Variants in LRP1B observed in about 807,000 individuals in gnomAD.
LRP1B encodes LDL receptor related protein 1B.
In LRP1B, 217 loss-of-function variants were observed where a neutral mutation model predicts 556.6. That is an observed-to-expected ratio of 0.39 (90% CI 0.35 to 0.44). The LOEUF is 0.44. Among genes scored for constraint, LRP1B ranks in the 20% least tolerant of loss-of-function variants. The pLI is 1.00. For missense variants in LRP1B, 5,053 were observed against 5,620.8 expected, an observed-to-expected ratio of 0.90 and a Z score of 3.23; for synonymous variants, 2,047 against 1,865.8, an observed-to-expected ratio of 1.10 and a Z score of -2.50.
intron 5 of LRP1B, among the ~76,000 whole-genome samples, chr2:141,240,621 C>A (rs1683830825): frequency 1.3e-5 from 2 of 151,868 alleles, no homozygotes; most frequent in Non-Finnish European, 2.9e-5. Context: ...GATATAATTT[C>A]TCTCACATTC....
chr2:141,410,038 A>G (rs1690793240), intron 3 of LRP1B, among the ~76,000 whole-genome samples: 1 of 152,078 alleles, frequency 6.6e-6, no homozygotes, highest in Non-Finnish European at 1.5e-5. Flanking sequence ...AAAGTGAAAA[A>G]TATATTCTAG....
intron 43 of LRP1B, among the ~76,000 whole-genome samples, chr2:140,592,081 G>A (rs1682250023): frequency 6.6e-6 from 1 of 152,042 alleles, no homozygotes; most frequent in African/African-American, 2.4e-5. Flanking sequence ...TGTGTACTGG[G>A]ACATGTATCA....
chr2:140,985,752 T>C lies in LRP1B; in HGVS notation c.2771-3476A>G, dbSNP rs529900652. ...TTCTGGTCAATTGTTCTTTTTTTTT[T>C]CCCAGTGAAATATTTCTACCATCTA... On this transcript the variant is annotated intron_variant, in intron 17 of 90. Transcript: ENST00000389484. Among the ~76,000 whole-genome samples the C allele has an allele frequency of 1.4e-4, 21 of 152,054 alleles. No individual in the cohort carries two copies. In the South Asian group the frequency reaches 4.0e-3, roughly 29 times the overall value.
chr2:142,004,690 A>G (rs1229724284), intron 1 of LRP1B, among the ~76,000 whole-genome samples: 1 of 151,936 alleles, frequency 6.6e-6, no homozygotes, highest in Non-Finnish European at 1.5e-5. Flanking sequence ...TACTAAAAAT[A>G]TGAAAATTAG....
intron 3 of LRP1B, among the ~76,000 whole-genome samples, chr2:141,335,582 A>G (rs1687818823): frequency 1.3e-5 from 2 of 152,322 alleles, no homozygotes; most frequent in South Asian, 4.1e-4. Flanking sequence ...ACATAAGCAT[A>G]ATTCTTATTC....
chr2:140,320,560 T>G (rs1234534871), intron 82 of LRP1B, among the ~76,000 whole-genome samples: 2 of 151,960 alleles, frequency 1.3e-5, no homozygotes, highest in Non-Finnish European at 1.5e-5. Flanking sequence ...ATGTTTGCTG[T>G]GATCCTCCAG....
chr2:141,163,428 T>A (rs1289843061), intron 7 of LRP1B, among the ~76,000 whole-genome samples: 1 of 152,038 alleles, frequency 6.6e-6, no homozygotes. Flanking sequence ...CATTTAGACA[T>A]ATGATAATTT....
intron 49 of LRP1B, 34 bp downstream of exon 49, chr2:140,525,810 G>T: frequency 1.2e-6 from 2 of 1,600,978 alleles, no homozygotes; most frequent in East Asian, 2.2e-5. Flanking sequence ...AATCTCCAAG[G>T]CAAAGCCTGT....
At chr2:141,227,839 G>A (rs898864141) in intron 6 of LRP1B, among the ~76,000 whole-genome samples, 5 of 152,028 alleles carry the variant, frequency 3.3e-5, no homozygotes, top group East Asian at 1.9e-4. Context: ...TTATTGAAAC[G>A]AGATCAAATA....
chr2:141,895,900 T>C (rs1364332051), intron 1 of LRP1B, among the ~76,000 whole-genome samples: 1 of 152,158 alleles, frequency 6.6e-6, no homozygotes, highest in Non-Finnish European at 1.5e-5. Context: ...GGCATTGCTT[T>C]TTATTTTTTG....
chr2:142,121,561 C>A (rs1017624113), intron 1 of LRP1B, among the ~76,000 whole-genome samples: 7 of 152,158 alleles, frequency 4.6e-5, no homozygotes, highest in African/African-American at 7.2e-5. Context: ...CAGAGCTTGT[C>A]CCCTCTCGTC....
At chr2:141,448,780 A>G (rs1228204244) in intron 3 of LRP1B, among the ~76,000 whole-genome samples, 1 of 152,180 alleles carries the variant, frequency 6.6e-6, no homozygotes, top group Non-Finnish European at 1.5e-5. Context: ...TTGGAAATGC[A>G]GAAATCACCC....
chr2:141,616,480 C>T (rs528163478), intron 2 of LRP1B, among the ~76,000 whole-genome samples: 1 of 152,062 alleles, frequency 6.6e-6, no homozygotes, highest in African/African-American at 2.4e-5. Flanking sequence ...GTTTAAAATT[C>T]TCTCTTCTTG....
At chr2:141,139,711 G>C (rs191420769) in intron 7 of LRP1B, among the ~76,000 whole-genome samples, 1 of 151,848 alleles carries the variant, frequency 6.6e-6, no homozygotes, top group African/African-American at 2.4e-5. Context: ...TGTTGGCAAA[G>C]ATGTAGGGAA....
intron 3 of LRP1B, among the ~76,000 whole-genome samples, chr2:141,293,714 T>C (rs1156357403): frequency 6.6e-6 from 1 of 151,916 alleles, no homozygotes; most frequent in African/African-American, 2.4e-5. Flanking sequence ...CAGAATACAT[T>C]TAAGTAAAAA....
chr2:141,182,984 G>T (rs1681071110), intron 7 of LRP1B, among the ~76,000 whole-genome samples: 1 of 151,788 alleles, frequency 6.6e-6, no homozygotes. Context: ...TTTATGGGGA[G>T]AAAAAAGTAC....
intron 66 of LRP1B, among the ~76,000 whole-genome samples, chr2:140,423,455 T>C (rs1202041828): frequency 6.6e-6 from 1 of 152,188 alleles, no homozygotes; most frequent in African/African-American, 2.4e-5. Flanking sequence ...ATTGAAAGCA[T>C]ACTAAGTATA....
chr2:140,477,490 G>T (rs537379574), intron 59 of LRP1B, among the ~76,000 whole-genome samples: 1 of 152,118 alleles, frequency 6.6e-6, no homozygotes, highest in East Asian at 1.9e-4. Flanking sequence ...ACATGTAATT[G>T]TACTTGCAAT....
chr2:141,758,623 A>C (rs553508527), intron 2 of LRP1B, among the ~76,000 whole-genome samples: 1 of 152,212 alleles, frequency 6.6e-6, no homozygotes, highest in Non-Finnish European at 1.5e-5. Flanking sequence ...TAGAGTATTG[A>C]TTGCTTGTTA....
Sources: allele counts gnomAD v4.1 joint callset (sites outside exome capture counted in the v4.1 genomes callset), GRCh38; gene constraint gnomAD v4.1.1; transcripts MANE v1.5; gene names NCBI Gene and HGNC (gene_info 2026-07-23, HGNC 2026-07-21).